Variants in PCDH15 observed in about 807,000 individuals in gnomAD.
PCDH15 encodes protocadherin-15.
Under a neutral mutation model 178.5 loss-of-function variants are expected in PCDH15, and 129 were observed. The observed-to-expected ratio is 0.72, with a 90% confidence interval of 0.63 to 0.84. PCDH15 has a LOEUF of 0.84. PCDH15 is among the 40% of genes least tolerant of loss of function. PCDH15 has a pLI of 0.00. For synonymous variants in PCDH15, 800 were observed against 732.0 expected (o/e 1.09, Z -1.50); for missense variants, 2,230 against 2,099.9 (o/e 1.06, Z -1.21).
At chr10:53,832,459 G>A (rs191570008) in intron 29 of PCDH15, among the ~76,000 whole-genome samples, 12 of 151,842 alleles carry the variant, frequency 7.9e-5, no homozygotes, top group African/African-American at 2.2e-4. Context: ...AAGGTCAAAC[G>A]TCTTACTATA....
intron 34 of PCDH15, among the ~76,000 whole-genome samples, chr10:53,817,606 C>G (rs2076112626): frequency 6.8e-6 from 1 of 147,798 alleles, no homozygotes; most frequent in African/African-American, 2.5e-5. Flanking sequence ...ACTGCAATCT[C>G]CGCCTTGCCG....
chr10:54,983,228 C>A (rs117058819), intron 2 of PCDH15, among the ~76,000 whole-genome samples: 1 of 152,224 alleles, frequency 6.6e-6, no homozygotes, highest in East Asian at 1.9e-4. Context: ...TCAACTGTTA[C>A]TTTAGGTACT....
intron 23 of PCDH15, among the ~76,000 whole-genome samples, chr10:53,942,530 C>G (rs1445421927): frequency 2.0e-5 from 3 of 152,168 alleles, no homozygotes; most frequent in Non-Finnish European, 1.5e-5. Context: ...TAGATTCTCG[C>G]TAGCCAACTT....
At chr10:54,797,208 A>G (rs996883809) in intron 1 of PCDH15, among the ~76,000 whole-genome samples, 11 of 152,048 alleles carry the variant, frequency 7.2e-5, no homozygotes, top group Non-Finnish European at 4.4e-5. Flanking sequence ...TTACACTCTA[A>G]AAGCCATACA....
chr10:55,214,887 C>A (rs867261462), intron 1 of PCDH15, among the ~76,000 whole-genome samples: 1 of 152,092 alleles, frequency 6.6e-6, no homozygotes, highest in African/African-American at 2.4e-5. Context: ...CTTCTCACTC[C>A]TAAATTCTAT....
At chr10:55,358,829 A>G (rs917804900) in intron 2 of PCDH15, among the ~76,000 whole-genome samples, 7 of 152,110 alleles carry the variant, frequency 4.6e-5, no homozygotes, top group Non-Finnish European at 7.4e-5. Context: ...GCTTTTCGTA[A>G]TAGTTCCAAT....
chr10:54,411,129 TATGATCTAGGCTGACCC>T (rs1953441706), intron 3 of PCDH15, among the ~76,000 whole-genome samples: 1 of 152,146 alleles, frequency 6.6e-6, no homozygotes, highest in Non-Finnish European at 1.5e-5. Context: ...CCATAACAGG[TATGATCTAGGCTGACCC>T]ATGATGCTTG....
At chr10:54,157,860 C>T (rs2045316508) in intron 13 of PCDH15, among the ~76,000 whole-genome samples, 1 of 152,142 alleles carries the variant, frequency 6.6e-6, no homozygotes, top group South Asian at 2.1e-4. Context: ...GTTCAAAGTT[C>T]CACAAATCTC....
At chr10:54,338,957 T>A (rs570186490) in intron 6 of PCDH15, among the ~76,000 whole-genome samples, 1 of 152,196 alleles carries the variant, frequency 6.6e-6, no homozygotes, top group African/African-American at 2.4e-5. Flanking sequence ...TCAGAATACC[T>A]ATATTTAGAT....
intron 2 of PCDH15, among the ~76,000 whole-genome samples, chr10:55,504,500 G>A (rs1840721363): frequency 6.6e-6 from 1 of 151,164 alleles, no homozygotes; most frequent in Non-Finnish European, 1.5e-5. Flanking sequence ...AAGACATTTA[G>A]GTTTAATTAC....
chr10:54,035,791 T>C (rs529189111), intron 18 of PCDH15, among the ~76,000 whole-genome samples: 2 of 151,986 alleles, frequency 1.3e-5, no homozygotes, highest in Non-Finnish European at 2.9e-5. Context: ...GGTCAAAAGC[T>C]GAGAAAGCTT....
chr10:54,745,924 A>G (rs1945398023), intron 1 of PCDH15, among the ~76,000 whole-genome samples: 1 of 152,174 alleles, frequency 6.6e-6, no homozygotes. Context: ...CAGTCTAACA[A>G]GGAACAATTT....
chr10:54,978,170 G>A (rs1249965959), intron 2 of PCDH15, among the ~76,000 whole-genome samples: 2 of 152,058 alleles, frequency 1.3e-5, no homozygotes, highest in Non-Finnish European at 1.5e-5. Flanking sequence ...AACTGGCTAA[G>A]GTGAAACAAT....
intron 2 of PCDH15, among the ~76,000 whole-genome samples, chr10:54,650,648 C>T (rs1565852288): frequency 6.6e-6 from 1 of 152,066 alleles, no homozygotes; most frequent in Non-Finnish European, 1.5e-5. Flanking sequence ...GTTTAATGGA[C>T]TTACGGTTCC....
intron 2 of PCDH15, among the ~76,000 whole-genome samples, chr10:55,460,254 G>T (rs978690956): frequency 6.6e-6 from 1 of 151,488 alleles, no homozygotes; most frequent in Non-Finnish European, 1.5e-5. Flanking sequence ...TATTATTATT[G>T]TATTCTATAT....
At chr10:54,121,807 A>G (rs1376049312) in intron 15 of PCDH15, among the ~76,000 whole-genome samples, 1 of 152,102 alleles carries the variant, frequency 6.6e-6, no homozygotes, top group Non-Finnish European at 1.5e-5. Context: ...TGAATCAGTA[A>G]TAAGAAACCT....
intron 14 of PCDH15, among the ~76,000 whole-genome samples, chr10:54,146,897 T>C (rs1486637461): frequency 6.9e-6 from 1 of 145,618 alleles, no homozygotes; most frequent in African/African-American, 2.5e-5. Context: ...TGTGTATACA[T>C]ATATATATAG....
chr10:54,585,480 C>A, intron 2 of PCDH15: 1 of 184,756 alleles, frequency 5.4e-6, no homozygotes, highest in Non-Finnish European at 1.2e-5. Context: ...TTAAAGCTAA[C>A]CTTCAGAACT....
chr10:55,517,867 G>T (rs925092798), intron 2 of PCDH15, among the ~76,000 whole-genome samples: 2 of 151,656 alleles, frequency 1.3e-5, no homozygotes, highest in Non-Finnish European at 2.9e-5. Flanking sequence ...CTCTAGCCAG[G>T]CTCCTTTGAG....
Sources: gnomAD v4.1 joint callset for allele counts (sites outside exome capture counted in the v4.1 genomes callset) on GRCh38, gnomAD v4.1.1 for gene constraint, MANE v1.5 for transcripts, NCBI Gene and HGNC (gene_info 2026-07-23, HGNC 2026-07-21) for gene names.